Variants in L3MBTL3 observed in about 807,000 individuals in gnomAD.
L3MBTL3 encodes L3MBTL histone methyl-lysine binding protein 3, also known as lethal(3)malignant brain tumor-like protein 3.
A neutral mutation model predicts 102.3 loss-of-function variants in L3MBTL3; 27 were observed. That is an observed-to-expected ratio of 0.26 (90% CI 0.19 to 0.36). The LOEUF (loss-of-function observed/expected upper bound fraction) is 0.36. Ranked by LOEUF, L3MBTL3 falls within the 10% of genes least tolerant of loss-of-function variation. The pLI is 1.00. For synonymous variants in L3MBTL3, 340 were observed against 320.9 expected (o/e 1.06, Z -0.64); for missense variants, 798 against 955.3 (o/e 0.84, Z 2.17).
chr6:130,070,739 T>A (rs1488839579), intron 12 of L3MBTL3: 8 of 345,928 alleles, frequency 2.3e-5, no homozygotes. Flanking sequence ...GATGGATATT[T>A]TCGTTTTGAG....
intron 19 of L3MBTL3, among the ~76,000 whole-genome samples, chr6:130,108,231 G>GTTTT (rs869221525): frequency 1.3e-4 from 12 of 91,048 alleles, no homozygotes; most frequent in Non-Finnish European, 2.1e-4. Flanking sequence ...TTTTTTTTTT[G>GTTTT]TTTTTTTTTT....
chr6:130,054,169 C>A (rs1240932699), intron 7 of L3MBTL3, among the ~76,000 whole-genome samples: 3 of 152,104 alleles, frequency 2.0e-5, no homozygotes, highest in African/African-American at 7.2e-5. Context: ...AGAGGAAAGT[C>A]CTTAAGGTAA....
At chr6:130,117,309 T>A (rs1424325358) in intron 19 of L3MBTL3, among the ~76,000 whole-genome samples, 1 of 150,868 alleles carries the variant, frequency 6.6e-6, no homozygotes, top group Admixed American at 6.6e-5. Context: ...AACTCATCAT[T>A]TTTTATGGCT....
intron 19 of L3MBTL3, among the ~76,000 whole-genome samples, chr6:130,106,946 A>G (rs6940294): frequency 0.019 from 2,909 of 152,296 alleles, 95 homozygotes; most frequent in African/African-American, 0.066. Context: ...AATTGTGTGT[A>G]TGCATGTGTC....
At chr6:130,124,052 A>T (rs1562333881) in intron 20 of L3MBTL3, among the ~76,000 whole-genome samples, 1 of 152,212 alleles carries the variant, frequency 6.6e-6, no homozygotes, top group Non-Finnish European at 1.5e-5. Context: ...CAGACGGAGA[A>T]GCTGAGCTGT....
chr6:130,093,151 AATTT>A (rs1302389445), intron 17 of L3MBTL3, among the ~76,000 whole-genome samples: 1 of 152,202 alleles, frequency 6.6e-6, no homozygotes, highest in Non-Finnish European at 1.5e-5. Context: ...AGACTTTCAA[AATTT>A]ATTGTTTCAA....
intron 19 of L3MBTL3, among the ~76,000 whole-genome samples, chr6:130,116,026 A>G (rs76753243): frequency 9.8e-5 from 15 of 152,318 alleles, no homozygotes; most frequent in Non-Finnish European, 2.1e-4. Context: ...TAGAGGCCAC[A>G]TAGCTAGTCC....
chr6:130,081,639 A>T (rs1310862711), intron 14 of L3MBTL3, among the ~76,000 whole-genome samples: 3 of 150,186 alleles, frequency 2.0e-5, no homozygotes, highest in African/African-American at 7.4e-5. Flanking sequence ...GTTAGCCAGG[A>T]TGGTCTCAAT....
chr6:130,026,003 G>C (rs1204230385), intron 2 of L3MBTL3, among the ~76,000 whole-genome samples: 3 of 152,086 alleles, frequency 2.0e-5, no homozygotes, highest in Non-Finnish European at 2.9e-5. Flanking sequence ...GTTAAGTGTG[G>C]GTGAATGGTA....
intron 2 of L3MBTL3, among the ~76,000 whole-genome samples, chr6:130,032,843 A>AT (rs1435733483): frequency 2.6e-5 from 4 of 152,110 alleles, no homozygotes; most frequent in South Asian, 4.1e-4. Context: ...AATTTAAAAC[A>AT]TTAGCCAGCT....
At chr6:130,085,207 G>A (rs1177071420) in intron 15 of L3MBTL3, among the ~76,000 whole-genome samples, 2 of 152,132 alleles carry the variant, frequency 1.3e-5, no homozygotes, top group Admixed American at 6.6e-5. Flanking sequence ...CTAACATTAT[G>A]CCAAACAATC....
At position 130,136,778 on chromosome 6, in the gene L3MBTL3, C is replaced by T. The variant is rs539165299; in HGVS notation, c.2200-2832C>T. Among the ~76,000 whole-genome samples the T allele has an allele frequency of 3.9e-5, 6 of 152,124 alleles. No homozygotes were observed. In the East Asian group the frequency reaches 5.8e-4, roughly 15 times the overall value. On this transcript the variant is annotated intron_variant, in intron 22 of 22. Coordinates refer to ENST00000361794, the MANE Select transcript of L3MBTL3 (RefSeq NM_032438.4). ...GACTGCAGGTGCGTGCCACCACACC[C>T]GGCTAATTTTTGTATTTTTAGTAGA...
intron 19 of L3MBTL3, among the ~76,000 whole-genome samples, chr6:130,120,306 A>G (rs182714088): frequency 1.3e-5 from 2 of 152,328 alleles, no homozygotes; most frequent in Admixed American, 6.5e-5. Flanking sequence ...TAATGGATCT[A>G]TTCCATTTTG....
At chr6:130,058,208 A>T (rs901928138) in intron 9 of L3MBTL3, among the ~76,000 whole-genome samples, 5 of 151,968 alleles carry the variant, frequency 3.3e-5, no homozygotes, top group Admixed American at 2.6e-4. Context: ...TTATCACAGC[A>T]AAACATCTAA....
chr6:130,125,928 A>G (rs1309269755), intron 20 of L3MBTL3, among the ~76,000 whole-genome samples: 1 of 152,112 alleles, frequency 6.6e-6, no homozygotes, highest in African/African-American at 2.4e-5. Flanking sequence ...CCCTCTTAAA[A>G]AAGGATATTT....
intron 19 of L3MBTL3, among the ~76,000 whole-genome samples, chr6:130,117,926 G>A (rs921067911): frequency 1.6e-4 from 21 of 131,536 alleles, no homozygotes; most frequent in African/African-American, 5.9e-4. Flanking sequence ...TCTCAGGCTG[G>A]CCTCGAATTC....
intron 14 of L3MBTL3, among the ~76,000 whole-genome samples, chr6:130,082,017 G>A (rs901421111): frequency 1.3e-5 from 2 of 152,096 alleles, no homozygotes; most frequent in African/African-American, 2.4e-5. Flanking sequence ...ATGATCATAC[G>A]AAGACTGTGC....
chr6:130,121,061 T>G, intron 20 of L3MBTL3, 103 bp downstream of exon 20: 1 of 720,166 alleles, frequency 1.4e-6, no homozygotes, highest in South Asian at 2.1e-5. Flanking sequence ...TAAAAATGAA[T>G]TTTATTTTTT....
rs533447729 is a variant in L3MBTL3, at chr6:130,074,698, G to A, written c.1244+3571G>A. 2.6e-5 allele frequency among the ~76,000 whole-genome samples: 4 copies of A among 152,256 alleles called. 1 individual carries two copies. In the South Asian group the frequency reaches 8.3e-4, roughly 32 times the overall value. On this transcript the variant is annotated intron_variant, in intron 13 of 22. Coordinates refer to ENST00000361794, the MANE Select transcript of L3MBTL3 (RefSeq NM_032438.4). ...TATTTTCATGTACCCTTGTCTTTTGGGATCCAGGAAGGATTGACAACAGGA... is the reference window on the plus strand; with the variant it reads ...TATTTTCATGTACCCTTGTCTTTTGAGATCCAGGAAGGATTGACAACAGGA...
Sources: gnomAD v4.1 joint callset for allele counts (sites outside exome capture counted in the v4.1 genomes callset) on GRCh38, gnomAD v4.1.1 for gene constraint, MANE v1.5 for transcripts, NCBI Gene and HGNC (gene_info 2026-07-23, HGNC 2026-07-21) for gene names.